The following GRIK1 variants were observed in gnomAD, a reference collection of about 807,000 sequenced individuals.
The protein encoded by GRIK1 is glutamate receptor ionotropic, kainate 1.
In GRIK1, 69 loss-of-function variants were observed where a neutral mutation model predicts 105.7. The ratio of observed to expected loss-of-function variants is 0.65; its 90% confidence interval spans 0.54 to 0.80. GRIK1 has a LOEUF of 0.80. Ranked by LOEUF, GRIK1 falls within the 30% of genes least tolerant of loss-of-function variation. GRIK1 has a pLI of 0.00. For synonymous variants in GRIK1, 438 were observed against 431.3 expected (o/e 1.02, Z -0.19); for missense variants, 1,109 against 1,167.3 (o/e 0.95, Z 0.73).
intron 1 of GRIK1, among the ~76,000 whole-genome samples, chr21:29,702,130 T>C (rs1242574313): frequency 2.0e-5 from 3 of 151,940 alleles, no homozygotes; most frequent in Admixed American, 6.6e-5. Context: ...ACAACACACA[T>C]TGGGGCCTAT....
chr21:29,915,804 A>C (rs1428963034), intron 1 of GRIK1, among the ~76,000 whole-genome samples: 5 of 152,000 alleles, frequency 3.3e-5, no homozygotes, highest in Non-Finnish European at 7.4e-5. Flanking sequence ...CATATATATG[A>C]AGTGCCCAGC....
intron 5 of GRIK1, among the ~76,000 whole-genome samples, chr21:29,651,650 C>A (rs924011756): frequency 6.6e-6 from 1 of 152,004 alleles, no homozygotes; most frequent in Non-Finnish European, 1.5e-5. Flanking sequence ...GGTAGAGTAT[C>A]GTGGTATGGA....
intron 14 of GRIK1, among the ~76,000 whole-genome samples, chr21:29,571,403 G>C (rs1329905016): frequency 6.6e-6 from 1 of 151,718 alleles, no homozygotes; most frequent in Non-Finnish European, 1.5e-5. Flanking sequence ...AGCCTTATAT[G>C]AGCTCAGGTG....
intron 1 of GRIK1, among the ~76,000 whole-genome samples, chr21:29,830,313 AC>A (rs1569139509): frequency 0.24 from 28,007 of 114,330 alleles, 2,928 homozygotes; most frequent in South Asian, 0.31. Context: ...CTCCCCACAC[AC>A]ACACACACAC....
chr21:29,698,570 T>A (rs899942917), intron 1 of GRIK1, among the ~76,000 whole-genome samples: 1 of 152,206 alleles, frequency 6.6e-6, no homozygotes, highest in African/African-American at 2.4e-5. Context: ...ATTGCTCGTG[T>A]GTACCTGAAG....
chr21:29,696,529 GA>G (rs1436471807), intron 1 of GRIK1, among the ~76,000 whole-genome samples: 3 of 152,252 alleles, frequency 2.0e-5, no homozygotes, highest in African/African-American at 7.2e-5. Context: ...TGATGCAAAA[GA>G]CACTTGGTCA....
intron 1 of GRIK1, among the ~76,000 whole-genome samples, chr21:29,887,985 T>C (rs2069700461): frequency 6.6e-6 from 1 of 151,536 alleles, no homozygotes; most frequent in Non-Finnish European, 1.5e-5. Context: ...GATTGGCAAC[T>C]AGAAGTATCA....
intron 14 of GRIK1, among the ~76,000 whole-genome samples, chr21:29,576,663 A>AT (rs145939429): frequency 0.037 from 5,507 of 149,928 alleles, 141 homozygotes; most frequent in African/African-American, 0.063. Context: ...TTGTATTCAG[A>AT]TTTTTTTTTT....
In GRIK1 at chr21:29,707,446, C is replaced by CCTTCCTTCCTTCCTTCCTT. The variant is rs2063937804; in HGVS notation, c.119-13384_119-13383insAAGGAAGGAAGGAAGGAAG. Among the ~76,000 whole-genome samples, 33 of 18,654 alleles carry CCTTCCTTCCTTCCTTCCTT rather than the reference C, an allele frequency of 1.8e-3. 2 individuals carry two copies. The highest frequency in any genetic ancestry group is 2.9e-3 in the Non-Finnish European group (30 of 10,332). 12.2% of individuals were successfully genotyped at this position (18,654 alleles called of 152,430 possible). On this transcript the variant is annotated intron_variant, in intron 1 of 17. Transcript: ENST00000327783. The stretch of plus-strand genomic sequence containing the variant: ...TCTTTCCCTTCCTCCCTCCCTCCCT[C>CCTTCCTTCCTTCCTTCCTT]CCTCCCTCCCTCCCTCCCTCCCTCC...
chr21:29,765,264 C>T (rs2065630047), intron 1 of GRIK1, among the ~76,000 whole-genome samples: 1 of 152,098 alleles, frequency 6.6e-6, no homozygotes, highest in Non-Finnish European at 1.5e-5. Context: ...GTCCCTCCTA[C>T]TTTTATTTTA....
intron 1 of GRIK1, among the ~76,000 whole-genome samples, chr21:29,783,272 A>C (rs971728996): frequency 2.6e-5 from 4 of 151,538 alleles, no homozygotes; most frequent in African/African-American, 9.7e-5. Context: ...TAAGACCTCC[A>C]TCAGGGCAAA....
intron 6 of GRIK1, among the ~76,000 whole-genome samples, chr21:29,648,424 ACT>A (rs1337408055): frequency 1.3e-5 from 2 of 151,966 alleles, no homozygotes; most frequent in African/African-American, 4.8e-5. Flanking sequence ...GTTTATAGGA[ACT>A]CTCTGCACTT....
chr21:29,894,317 C>G (rs1569197253), intron 1 of GRIK1, among the ~76,000 whole-genome samples: 2 of 152,116 alleles, frequency 1.3e-5, no homozygotes. Flanking sequence ...AACAGTACAG[C>G]CTTCAATCTG....
chr21:29,830,099 A>G (rs901684683), intron 1 of GRIK1, among the ~76,000 whole-genome samples: 2 of 151,642 alleles, frequency 1.3e-5, no homozygotes, highest in South Asian at 4.2e-4. Context: ...CTTTGCTGGC[A>G]ATGATTGCAA....
chr21:29,762,543 A>C (rs976778767), intron 1 of GRIK1, among the ~76,000 whole-genome samples: 5 of 152,206 alleles, frequency 3.3e-5, no homozygotes, highest in Non-Finnish European at 5.9e-5. Context: ...AATTCCAACT[A>C]TAATAGGAAA....
intron 7 of GRIK1, among the ~76,000 whole-genome samples, chr21:29,601,700 T>C (rs2061522096): frequency 6.6e-6 from 1 of 152,214 alleles, no homozygotes; most frequent in Non-Finnish European, 1.5e-5. Context: ...CCTCCCAGCT[T>C]ATACACCCCT....
chr21:29,580,822 A>G (rs966188833), intron 13 of GRIK1, among the ~76,000 whole-genome samples: 2 of 152,128 alleles, frequency 1.3e-5, no homozygotes, highest in Non-Finnish European at 2.9e-5. Flanking sequence ...TTCCCCCACT[A>G]CAAAAGCAGA....
intron 1 of GRIK1, among the ~76,000 whole-genome samples, chr21:29,753,116 C>A (rs1204240251): frequency 1.3e-5 from 2 of 152,150 alleles, no homozygotes; most frequent in Admixed American, 6.6e-5. Context: ...TTTGAGTTTG[C>A]AAGCTGTCTT....
rs527692787 is a variant in GRIK1 at position 29,834,222 on chromosome 21, C to T, written c.118+105161G>A. Among the ~76,000 whole-genome samples the T allele has an allele frequency of 1.5e-4, 22 of 151,276 alleles. 1 individual carries two copies. Among genetic ancestry groups the T allele is most frequent in the African/African-American group, 5.3e-4 (22 of 41,368 alleles). On this transcript the variant is annotated intron_variant, in intron 1 of 17. Coordinates refer to ENST00000327783, the MANE Select transcript of GRIK1 (RefSeq NM_001330994.2). ...CAATAATTTGATCATTTTTACTACCCTCGGTTGCAAATACATTAATTTCTC... is the reference window on the plus strand; with the variant it reads ...CAATAATTTGATCATTTTTACTACCTTCGGTTGCAAATACATTAATTTCTC...
Sources: allele counts gnomAD v4.1 joint callset (sites outside exome capture counted in the v4.1 genomes callset), GRCh38; gene constraint gnomAD v4.1.1; transcripts MANE v1.5; gene names NCBI Gene and HGNC (gene_info 2026-07-23, HGNC 2026-07-21).